UNC5C: variants seen among roughly 807,000 people sequenced by gnomAD.
UNC5C encodes the protein netrin receptor UNC5C.
UNC5C carries 47 observed loss-of-function variants against 99.8 expected under a neutral mutation model. The ratio of observed to expected loss-of-function variants is 0.47; its 90% CI spans 0.37 to 0.60. The LOEUF is 0.60. Ranked by LOEUF, UNC5C falls within the 20% of genes least tolerant of loss-of-function variation. The probability of loss-of-function intolerance (pLI) is 0.00; values close to 1 mark genes in which losing one functional copy is unlikely to be tolerated. For synonymous variants in UNC5C, 487 were observed against 452.2 expected, an observed-to-expected ratio of 1.08 and a Z score of -0.98; for missense variants, 1,062 against 1,165.9, an observed-to-expected ratio of 0.91 and a Z score of 1.30.
chr4:95,354,927 C>T (rs1398958749), intron 1 of UNC5C, among the ~76,000 whole-genome samples: 1 of 152,124 alleles, frequency 6.6e-6, no homozygotes, highest in East Asian at 1.9e-4. Context: ...ATAATTAGCT[C>T]TGTAGCTAAC....
intron 1 of UNC5C, among the ~76,000 whole-genome samples, chr4:95,463,341 C>T (rs1747665469): frequency 6.6e-6 from 1 of 152,120 alleles, no homozygotes. Flanking sequence ...GTGGTAAGAG[C>T]AGTCTCAGCT....
chr4:95,218,172 C>T (rs1738330936), intron 9 of UNC5C, among the ~76,000 whole-genome samples: 1 of 152,010 alleles, frequency 6.6e-6, no homozygotes, highest in Non-Finnish European at 1.5e-5. Flanking sequence ...TTACAAAATA[C>T]TCACAGCCTT....
intron 3 of UNC5C, among the ~76,000 whole-genome samples, chr4:95,285,665 T>C (rs971435885): frequency 5.3e-5 from 8 of 152,214 alleles, no homozygotes; most frequent in Non-Finnish European, 1.0e-4. Flanking sequence ...CTGAGTGTTA[T>C]GACCCTTGAG....
Position 95,301,759 on chromosome 4 carries a change from G to C in UNC5C, c.347-10C>G. The C allele has an allele frequency of 6.2e-7, 1 of 1,610,916 alleles. No homozygotes were observed. The highest frequency in any genetic ancestry group is 2.2e-5 in the East Asian group (1 of 44,782). ...TCCCGGACAATGAGACCTGACAAGA[G>C]AAAAAGAAAGATTTAAGTCAACACA... On this transcript the variant is annotated splice_polypyrimidine_tract_variant and intron_variant, in intron 2 of 15. Coordinates refer to ENST00000453304, the MANE Select transcript of UNC5C (RefSeq NM_003728.4).
At chr4:95,350,184 T>A (rs867513168) in intron 1 of UNC5C, among the ~76,000 whole-genome samples, 1 of 152,098 alleles carries the variant, frequency 6.6e-6, no homozygotes, top group Admixed American at 6.6e-5. Context: ...GGGTCTTACA[T>A]AGGGAATTAA....
chr4:95,484,922 T>C (rs1721280439), intron 1 of UNC5C, among the ~76,000 whole-genome samples: 1 of 151,874 alleles, frequency 6.6e-6, no homozygotes, highest in Admixed American at 6.6e-5. Context: ...GAAATTATTT[T>C]TGAACCTGTA....
chr4:95,420,412 A>T (rs920839032), intron 1 of UNC5C, among the ~76,000 whole-genome samples: 2 of 152,206 alleles, frequency 1.3e-5, no homozygotes, highest in Non-Finnish European at 1.5e-5. Context: ...CTAGAGATTT[A>T]ACAAATCTAA....
chr4:95,359,801 A>G (rs1475481253), intron 1 of UNC5C, among the ~76,000 whole-genome samples: 1 of 152,160 alleles, frequency 6.6e-6, no homozygotes, highest in African/African-American at 2.4e-5. Flanking sequence ...ATGGTTAGTA[A>G]CAATATTGAA....
intron 14 of UNC5C, among the ~76,000 whole-genome samples, chr4:95,182,552 G>A (rs942045678): frequency 3.3e-5 from 5 of 152,084 alleles, no homozygotes; most frequent in South Asian, 2.1e-4. Flanking sequence ...AACATGGCAC[G>A]CTAAGGGATG....
chr4:95,386,500 C>A (rs577287603), intron 1 of UNC5C, among the ~76,000 whole-genome samples: 1 of 152,226 alleles, frequency 6.6e-6, no homozygotes, highest in East Asian at 1.9e-4. Flanking sequence ...TTGATCTGCT[C>A]ACATATTTCC....
rs972029590 is a variant in UNC5C, at chr4:95,394,874, A to G, written c.125-59243T>C. On this transcript the variant is annotated intron_variant, in intron 1 of 15. Coordinates refer to ENST00000453304, the MANE Select transcript of UNC5C (RefSeq NM_003728.4). ...CTCTCCTCTATCTCTGACACCAAAA[A>G]CAACAGGCTGTGAAAATAGTTTCAT... Among the ~76,000 whole-genome samples the G allele has an allele frequency of 3.3e-5, 5 of 152,280 alleles. No individual in the cohort carries two copies. In the East Asian group the frequency reaches 9.6e-4, roughly 29 times the overall value.
At position 95,437,071 on chromosome 4, in the gene UNC5C, A is replaced by C. The variant is rs1243872696; in HGVS notation, c.125-101440T>G. The stretch of plus-strand genomic sequence containing the variant: ...CTCACTGAGGAAATAAAGGGAAAAA[A>C]CCTGACAGAGCAAATCCAAACCAAT... On this transcript the variant is annotated intron_variant, in intron 1 of 15. Coordinates refer to ENST00000453304, the MANE Select transcript of UNC5C (RefSeq NM_003728.4). 5.9e-5 allele frequency among the ~76,000 whole-genome samples: 9 copies of C among 151,894 alleles called. No homozygotes were observed. The East Asian group carries it at 1.7e-3, about 29-fold the overall frequency.
chr4:95,398,259 T>C (rs1655693150), intron 1 of UNC5C, among the ~76,000 whole-genome samples: 1 of 152,074 alleles, frequency 6.6e-6, no homozygotes, highest in South Asian at 2.1e-4. Flanking sequence ...TGGAAAGGTA[T>C]CCTCTATTGC....
intron 1 of UNC5C, among the ~76,000 whole-genome samples, chr4:95,453,174 C>A (rs760094992): frequency 6.6e-6 from 1 of 152,082 alleles, no homozygotes; most frequent in Non-Finnish European, 1.5e-5. Flanking sequence ...AGCACCAATG[C>A]TTTGGGCAAG....
intron 12 of UNC5C, among the ~76,000 whole-genome samples, chr4:95,191,810 C>T (rs183238482): frequency 2.4e-4 from 35 of 147,290 alleles, no homozygotes; most frequent in African/African-American, 8.3e-4. Context: ...CACCTTCTCC[C>T]CTGCTCACCT....
chr4:95,445,305 TC>T (rs1382835632), intron 1 of UNC5C, among the ~76,000 whole-genome samples: 3 of 147,282 alleles, frequency 2.0e-5, no homozygotes, highest in African/African-American at 7.3e-5. Flanking sequence ...ACCCTTTTTT[TC>T]CTAGATGAAT....
chr4:95,525,723 G>A (rs1722482515), intron 1 of UNC5C, among the ~76,000 whole-genome samples: 1 of 150,940 alleles, frequency 6.6e-6, no homozygotes, highest in South Asian at 2.1e-4. Flanking sequence ...TCTCTGTTTT[G>A]TGTTCTGTTG....
At chr4:95,477,228 A>C (rs1720948422) in intron 1 of UNC5C, among the ~76,000 whole-genome samples, 1 of 151,970 alleles carries the variant, frequency 6.6e-6, no homozygotes, top group South Asian at 2.1e-4. Flanking sequence ...TGATTTTCTT[A>C]TTCCTTTTGT....
intron 1 of UNC5C, among the ~76,000 whole-genome samples, chr4:95,444,003 T>A (rs756385903): frequency 1.3e-5 from 2 of 152,222 alleles, no homozygotes; most frequent in Non-Finnish European, 2.9e-5. Flanking sequence ...CAGAGTGAAT[T>A]CCTTAGTCTT....
Sources: gnomAD v4.1 joint callset for allele counts (sites outside exome capture counted in the v4.1 genomes callset) on GRCh38, gnomAD v4.1.1 for gene constraint, MANE v1.5 for transcripts, NCBI Gene and HGNC (gene_info 2026-07-23, HGNC 2026-07-21) for gene names.